Variants in ANK1 observed in about 807,000 individuals in gnomAD.
ANK1 encodes the protein ankyrin 1.
A neutral mutation model predicts 210.4 loss-of-function variants in ANK1; 51 were observed. The ratio of observed to expected loss-of-function variants is 0.24; its 90% CI spans 0.19 to 0.31. The LOEUF is 0.31. ANK1 is among the 10% of genes least tolerant of loss of function. The probability of loss-of-function intolerance (pLI) is 1.00; values close to 1 mark genes in which losing one functional copy is unlikely to be tolerated. For synonymous variants in ANK1, 967 were observed against 1,025.9 expected (o/e 0.94, Z 1.10); for missense variants, 2,051 against 2,504.4 (o/e 0.82, Z 3.86).
intron 1 of ANK1, among the ~76,000 whole-genome samples, chr8:41,873,303 T>G (rs1404915664): frequency 6.6e-6 from 1 of 152,216 alleles, no homozygotes; most frequent in African/African-American, 2.4e-5. Context: ...GTCCATCACA[T>G]CCTGACAGTG....
intron 1 of ANK1, among the ~76,000 whole-genome samples, chr8:41,811,825 A>G (rs1035980537): frequency 2.0e-5 from 3 of 152,196 alleles, no homozygotes; most frequent in African/African-American, 7.2e-5. Flanking sequence ...TATTATTATT[A>G]TTGTTAATTT....
chr8:41,703,593 C>T (rs1823687256), intron 20 of ANK1, among the ~76,000 whole-genome samples: 1 of 150,818 alleles, frequency 6.6e-6, no homozygotes, highest in African/African-American at 2.4e-5. Flanking sequence ...AGGCTATCCT[C>T]CCACTTCAGC....
In ANK1 at chr8:41,694,845, C is replaced by T. The variant is rs1294206626; in HGVS notation, c.3116-42G>A. 6.2e-7 allele frequency: 1 copy of T among 1,602,870 alleles called. No individual in the cohort carries two copies. The highest frequency in any genetic ancestry group is 1.1e-5 in the South Asian group (1 of 90,348). ...AGGCCACCACCCCGGTCACATCAGG[C>T]ACAGGTTCAGGACTTCCAGGGGCCC... is the stretch of plus-strand genomic sequence containing the variant. On this transcript the variant is annotated intron_variant, in intron 27 of 42. Transcript: ENST00000289734. This position sits in a 1 kb window ranked among gnomAD's most constrained non-coding sequence, Gnocchi z 5.7.
intron 3 of ANK1, among the ~76,000 whole-genome samples, chr8:41,729,975 A>C (rs1158349093): frequency 6.6e-6 from 1 of 152,278 alleles, no homozygotes. Context: ...TCCCTGCACT[A>C]CTTAAGGAGC....
intron 12 of ANK1, 90 bp downstream of exon 12, chr8:41,717,514 C>A (rs1828024378): frequency 1.1e-5 from 13 of 1,202,656 alleles, no homozygotes; most frequent in Non-Finnish European, 1.6e-5. Flanking sequence ...GTAGCTCTGT[C>A]CCCAGAGAGT....
At chr8:41,799,165 G>T (rs1849455838), upstream of ANK1, among the ~76,000 whole-genome samples, 1 of 151,984 alleles carries the variant, frequency 6.6e-6, no homozygotes, top group South Asian at 2.1e-4. Flanking sequence ...ATGGCTGTTT[G>T]TTGTTGTTGT....
chr8:41,659,771 C>A (rs1267762700), intron 42 of ANK1, among the ~76,000 whole-genome samples: 2 of 149,476 alleles, frequency 1.3e-5, no homozygotes, highest in African/African-American at 4.9e-5. Context: ...TGTCCCAGAG[C>A]CAGGCTGCTC....
chr8:41,727,939 T>C lies in ANK1; in HGVS notation c.296A>G (p.Asn99Ser), dbSNP rs1296340324. ...CTGGGCGTTGACGTTGGCTCCATAG[T>C]TGACAAGCTCCCGGACCACCTCATC... ...GQDEVVRELV[N>S]YGANVNAQSQ... Residue 99 changes from asparagine (N) to serine (S), a missense_variant, in exon 4 of 43, where the codon AAC becomes AGC. Asn to Ser is a conservative substitution (Grantham distance 46). Around this residue, in one of 6 missense-constraint regions of ANK1, gnomAD observed 72 missense variants for 133.5 expected, o/e 0.54. Coordinates refer to ENST00000289734, the MANE Select transcript of ANK1 (RefSeq NM_000037.4). The C allele has an allele frequency of 9.9e-6, 16 of 1,614,072 alleles. No individual in the cohort carries two copies. The highest frequency in any genetic ancestry group is 1.4e-5 in the Non-Finnish European group (16 of 1,180,044).
chr8:41,779,333 G>A (rs746335629), intron 1 of ANK1, among the ~76,000 whole-genome samples: 7 of 151,988 alleles, frequency 4.6e-5, no homozygotes, highest in Non-Finnish European at 8.8e-5. Context: ...CTGCAGCCTC[G>A]AACTCCTGGG....
chr8:41,747,628 G>A (rs1490922825), intron 2 of ANK1, among the ~76,000 whole-genome samples: 1 of 152,160 alleles, frequency 6.6e-6, no homozygotes, highest in Non-Finnish European at 1.5e-5. Context: ...CATGGAACCT[G>A]CCACACACAG....
At position 41,864,422 on chromosome 8, in the gene ANK1, G is replaced by A. The variant is rs142026835; in HGVS notation, c.126+31933C>T. Among the ~76,000 whole-genome samples the A allele has an allele frequency of 5.8e-4, 88 of 152,180 alleles. No individual in the cohort carries two copies. In the East Asian group the frequency reaches 0.015, roughly 26 times the overall value. ...TGTGGACAATCCCCTGAGCAGAGGC[G>A]AGCCAGCCTGTGAGTGCACCTCCTG... On this transcript the variant is annotated intron_variant, in intron 1 of 42. Coordinates refer to the ANK1 transcript ENST00000265709.
intron 39 of ANK1, among the ~76,000 whole-genome samples, chr8:41,666,820 C>T (rs1252385012): frequency 2.6e-5 from 4 of 152,226 alleles, no homozygotes; most frequent in African/African-American, 2.4e-5. Flanking sequence ...GGATGTAGGG[C>T]TTGGGAACTG....
chr8:41,863,059 G>T (rs970620295), intron 1 of ANK1, among the ~76,000 whole-genome samples: 2 of 150,336 alleles, frequency 1.3e-5, no homozygotes, highest in African/African-American at 2.4e-5. Context: ...TTTTGCAGTG[G>T]ATTAAAAAGA....
At position 41,867,874 on chromosome 8, in the gene ANK1, T is replaced by C. The variant is rs570438197; in HGVS notation, c.126+28481A>G. Among the ~76,000 whole-genome samples the C allele has an allele frequency of 2.6e-5, 4 of 152,286 alleles. 1 individual carries two copies. The highest frequency in any genetic ancestry group is 1.3e-4 in the Admixed American group (2 of 15,304). ...TCTAAAGCAGGTGTTTGTTTGTTTGTTTTGAGACAGATTCTCTCTCTGTCG... is the reference window on the plus strand; with the variant it reads ...TCTAAAGCAGGTGTTTGTTTGTTTGCTTTGAGACAGATTCTCTCTCTGTCG... On this transcript the variant is annotated intron_variant, in intron 1 of 42. Transcript: ENST00000265709.
intron 1 of ANK1, among the ~76,000 whole-genome samples, chr8:41,850,100 G>A (rs543169133): frequency 1.3e-5 from 2 of 152,154 alleles, no homozygotes; most frequent in African/African-American, 2.4e-5. Flanking sequence ...AGCACGCTTC[G>A]TGAAGTCACT....
chr8:41,676,527 G>A (rs534084929), intron 37 of ANK1, among the ~76,000 whole-genome samples: 21 of 152,260 alleles, frequency 1.4e-4, no homozygotes, highest in African/African-American at 3.6e-4. Flanking sequence ...TCTGTAGCTC[G>A]TCTTTTCATT....
At chr8:41,774,422 C>T (rs1013503185) in intron 1 of ANK1, among the ~76,000 whole-genome samples, 3 of 152,180 alleles carry the variant, frequency 2.0e-5, no homozygotes, top group Non-Finnish European at 4.4e-5. Flanking sequence ...AATGTCCCCA[C>T]GTGCTATTAT....
rs780578294 is a variant in ANK1, at chr8:41,693,957, T to C, written c.3473A>G (p.Asn1158Ser). Residue 1158 changes from asparagine to serine, a missense_variant, in exon 29 of 43, where the codon AAC (asparagine) becomes AGC (serine). By Grantham distance (46) the Asn-to-Ser change is conservative (BLOSUM62 1). Coordinates refer to ENST00000289734, the MANE Select transcript of ANK1 (RefSeq NM_000037.4). ...RIPLPPSWTDNPRDSGEGDTT... is the reference protein window; with the variant it reads ...RIPLPPSWTDSPRDSGEGDTT... ...GTCTCCCTCCCCGCTGTCCCTCGGGTTGTCGGTCCAGGAAGGAGGTAGTGG... is the reference window on the plus strand; with the variant it reads ...GTCTCCCTCCCCGCTGTCCCTCGGGCTGTCGGTCCAGGAAGGAGGTAGTGG... 1.5e-5 allele frequency: 24 copies of C among 1,613,762 alleles called. No homozygotes were observed. The highest frequency in any genetic ancestry group is 3.3e-5 in the Admixed American group (2 of 59,984).
At chr8:41,663,098 G>GTCTCTCTCTC (rs60380363) in intron 40 of ANK1, among the ~76,000 whole-genome samples, 42 of 145,160 alleles carry the variant, frequency 2.9e-4, no homozygotes, top group Non-Finnish European at 2.2e-4. Context: ...GTGTGTGTGT[G>GTCTCTCTCTC]TCTCTCTCTC....
Sources: allele counts gnomAD v4.1 joint callset (sites outside exome capture counted in the v4.1 genomes callset), GRCh38; gene constraint gnomAD v4.1.1; regional missense constraint gnomAD v4.1.1; non-coding constraint Gnocchi (gnomAD v3.1); transcripts MANE v1.5; gene names NCBI Gene and HGNC (gene_info 2026-07-23, HGNC 2026-07-21).